The following DACH2 variants were observed in gnomAD, a reference collection of about 807,000 sequenced individuals.
DACH2 encodes dachshund family transcription factor 2.
A neutral mutation model predicts 35.8 loss-of-function variants in DACH2; 17 were observed. That is an observed-to-expected ratio of 0.48 (90% CI 0.33 to 0.71). DACH2 has a LOEUF of 0.71. DACH2 is among the 30% of genes least tolerant of loss of function. DACH2 has a pLI of 0.02. For synonymous variants in DACH2, 195 were observed against 177.3 expected (o/e 1.10, Z -0.79); for missense variants, 469 against 472.7 (o/e 0.99, Z 0.07).
At chrX:86,475,013 C>G (rs1255692905) in intron 2 of DACH2, among the ~76,000 whole-genome samples, 2 of 111,643 alleles carry the variant, frequency 1.8e-5, no homozygotes, top group Non-Finnish European at 3.8e-5. Context: ...GGGATTACAG[C>G]TGTGAGCCAC....
chrX:86,253,431 A>T (rs2033441822), intron 1 of DACH2, among the ~76,000 whole-genome samples: 1 of 111,480 alleles, frequency 9.0e-6, no homozygotes, highest in African/African-American at 3.3e-5. Flanking sequence ...ATTCCCTTCT[A>T]TTATTTTGCT....
intron 1 of DACH2, among the ~76,000 whole-genome samples, chrX:86,349,611 A>G (rs1034897155): frequency 8.9e-6 from 1 of 112,152 alleles, no homozygotes; most frequent in Non-Finnish European, 1.9e-5. Flanking sequence ...TTAGTCAGTT[A>G]TTAACGTATT....
chrX:86,393,856 G>A (rs1163258395), intron 2 of DACH2, among the ~76,000 whole-genome samples: 1 of 110,592 alleles, frequency 9.0e-6, no homozygotes, highest in Non-Finnish European at 1.9e-5. Flanking sequence ...GACTGGGTGG[G>A]ATTAAGTGAG....
At chrX:86,442,403 T>G (rs1458481822) in intron 2 of DACH2, among the ~76,000 whole-genome samples, 3 of 106,356 alleles carry the variant, frequency 2.8e-5, no homozygotes, top group Non-Finnish European at 5.8e-5. Context: ...TTTTTTTTTT[T>G]TTTGCTATTG....
At chrX:86,263,154 T>C (rs889049986) in intron 1 of DACH2, 4 of 202,111 alleles carry the variant, frequency 2.0e-5, no homozygotes, top group African/African-American at 1.2e-4. Context: ...AGAAAGCAGC[T>C]ATGAATGTAT....
In DACH2 at chrX:86,291,391, C is replaced by A. The variant is rs1421117093; in HGVS notation, c.489-85433C>A. ...GCAAACAGGGACAATTTGATTTCCTCTTTTCCTGATTGAATACCCTTTATT... is the reference window on the plus strand; with the variant it reads ...GCAAACAGGGACAATTTGATTTCCTATTTTCCTGATTGAATACCCTTTATT... On this transcript the variant is annotated intron_variant, in intron 1 of 11. Transcript: ENST00000373125. Among the ~76,000 whole-genome samples the A allele has an allele frequency of 2.3e-5, 2 of 86,939 alleles. 1 individual carries two copies. The highest frequency in any genetic ancestry group is 7.7e-4 in the East Asian group (2 of 2,596). The allele number at this position is 86,939 out of a possible 115,157, so 75.5% of individuals were successfully genotyped here.
chrX:86,495,802 GAAA>G, intron 2 of DACH2, among the ~76,000 whole-genome samples: 1 of 91,081 alleles, frequency 1.1e-5, no homozygotes. Context: ...TCTAGCTTAG[GAAA>G]AAAAAAAAAG....
intron 1 of DACH2, among the ~76,000 whole-genome samples, chrX:86,314,096 C>T (rs2034851585): frequency 4.5e-5 from 5 of 110,078 alleles, no homozygotes; most frequent in Admixed American, 4.0e-4. Context: ...TAATCTCTCT[C>T]CCTCTCCTTG....
intron 1 of DACH2, among the ~76,000 whole-genome samples, chrX:86,214,817 A>G (rs189359126): frequency 1.8e-5 from 2 of 112,028 alleles, no homozygotes; most frequent in Non-Finnish European, 3.8e-5. Flanking sequence ...AGCTGTTTAA[A>G]GTAGAAGAAA....
intron 3 of DACH2, among the ~76,000 whole-genome samples, chrX:86,639,372 G>A (rs1300658188): frequency 9.0e-6 from 1 of 111,606 alleles, no homozygotes; most frequent in Non-Finnish European, 1.9e-5. Context: ...CAGTCCACCA[G>A]GACCTTCAGT....
chrX:86,563,826 C>T (rs947429458), intron 3 of DACH2, among the ~76,000 whole-genome samples: 3 of 110,763 alleles, frequency 2.7e-5, no homozygotes, highest in Admixed American at 9.7e-5. Flanking sequence ...ACATAATGTG[C>T]GATTATTGGT....
At chrX:86,180,133 G>C (rs2031429119) in intron 1 of DACH2, among the ~76,000 whole-genome samples, 1 of 87,850 alleles carries the variant, frequency 1.1e-5, no homozygotes, top group Admixed American at 1.4e-4. Context: ...CCATAATAAT[G>C]ATAAACAATA....
chrX:86,701,889 A>G (rs1035376609), intron 5 of DACH2, among the ~76,000 whole-genome samples: 1 of 111,508 alleles, frequency 9.0e-6, no homozygotes, highest in African/African-American at 3.3e-5. Flanking sequence ...AAGGAGGGAG[A>G]TGATCAGAAA....
intron 3 of DACH2, among the ~76,000 whole-genome samples, chrX:86,569,710 C>T (rs2039341003): frequency 9.0e-6 from 1 of 111,608 alleles, no homozygotes; most frequent in South Asian, 3.6e-4. Flanking sequence ...TCTCCAAAAG[C>T]AGTTCCAACA....
chrX:86,471,024 A>G (rs1406774153), intron 2 of DACH2, among the ~76,000 whole-genome samples: 1 of 111,605 alleles, frequency 9.0e-6, no homozygotes, highest in Non-Finnish European at 1.9e-5. Context: ...TCAGTGATGC[A>G]GTTAGAACTG....
chrX:86,778,079 G>C lies in DACH2; in HGVS notation c.1241-34777G>C, dbSNP rs1005469931. Among the ~76,000 whole-genome samples the C allele has an allele frequency of 2.7e-5, 3 of 111,747 alleles. No individual in the cohort carries two copies. The Admixed American group carries it at 2.9e-4, about 11-fold the overall frequency. On this transcript the variant is annotated intron_variant, in intron 7 of 11. Transcript: ENST00000373125. ...GTTGATTCCATATATTTGCTATTGTGAATAGTGCTGCAGCAAACCTGGGTG... is the reference window on the plus strand; with the variant it reads ...GTTGATTCCATATATTTGCTATTGTCAATAGTGCTGCAGCAAACCTGGGTG...
At chrX:86,252,524 T>C (rs2033422789) in intron 1 of DACH2, among the ~76,000 whole-genome samples, 1 of 111,447 alleles carries the variant, frequency 9.0e-6, no homozygotes, top group African/African-American at 3.3e-5. Context: ...TTTGTGTAAG[T>C]TGAGAGATGA....
Position 86,285,804 on chromosome X carries a change from C to T in DACH2, c.489-91020C>T, listed in dbSNP as rs772578244. Among the ~76,000 whole-genome samples the T allele has an allele frequency of 9.0e-5, 10 of 111,692 alleles. No individual in the cohort carries two copies. In the South Asian group the frequency reaches 3.7e-3, roughly 42 times the overall value. Reference sequence around the variant, plus strand: ...TTATTACTGTATTGGGGTCTCACCTCTCTTTAGCTTTAATAATATTTTCTT... The same window carrying T: ...TTATTACTGTATTGGGGTCTCACCTTTCTTTAGCTTTAATAATATTTTCTT... On this transcript the variant is annotated intron_variant, in intron 1 of 11. Coordinates refer to ENST00000373125, the MANE Select transcript of DACH2 (RefSeq NM_053281.3).
At chrX:86,273,543 A>T (rs1235522648) in intron 1 of DACH2, among the ~76,000 whole-genome samples, 1 of 112,359 alleles carries the variant, frequency 8.9e-6, no homozygotes, top group Middle Eastern at 4.6e-3. Context: ...GTGTGAAAAA[A>T]GTTTCCTTTC....
Sources: gnomAD v4.1 joint callset for allele counts (sites outside exome capture counted in the v4.1 genomes callset) on GRCh38, gnomAD v4.1.1 for gene constraint, MANE v1.5 for transcripts, NCBI Gene and HGNC (gene_info 2026-07-23, HGNC 2026-07-21) for gene names.